Variants in SLC9A9 observed in about 807,000 individuals in gnomAD.
The protein encoded by SLC9A9 is solute carrier family 9 member A9, also known as sodium/hydrogen exchanger 9.
A neutral mutation model predicts 77.8 loss-of-function variants in SLC9A9; 62 were observed. That is an observed-to-expected ratio of 0.80 (90% confidence interval 0.65 to 0.98). The LOEUF is 0.98. Ranked by LOEUF, SLC9A9 falls within the 50% of genes least tolerant of loss-of-function variation. SLC9A9 has a pLI of 0.00. For missense variants in SLC9A9, 775 were observed against 774.9 expected (o/e 1.00, Z 0.00); for synonymous variants, 320 against 283.5 (o/e 1.13, Z -1.29).
At chr3:143,660,561 T>G (rs9841219) in intron 5 of SLC9A9, among the ~76,000 whole-genome samples, 11,493 of 152,266 alleles carry the variant, frequency 0.075, 572 homozygotes, top group Non-Finnish European at 0.11. Context: ...TGAACCAACC[T>G]GGACTTCTGA....
intron 14 of SLC9A9, among the ~76,000 whole-genome samples, chr3:143,307,315 A>C (rs2030831258): frequency 6.6e-6 from 1 of 152,264 alleles, no homozygotes; most frequent in Non-Finnish European, 1.5e-5. Flanking sequence ...TAATCCCATG[A>C]GAGCAGGAGG....
chr3:143,319,346 C>A (rs1404986969), intron 14 of SLC9A9, among the ~76,000 whole-genome samples: 3 of 152,196 alleles, frequency 2.0e-5, no homozygotes, highest in Non-Finnish European at 4.4e-5. Context: ...TTGGCTGCTG[C>A]CTCATGTTTT....
At chr3:143,679,060 G>GT (rs1384915961) in intron 5 of SLC9A9, among the ~76,000 whole-genome samples, 8 of 150,256 alleles carry the variant, frequency 5.3e-5, no homozygotes, top group Middle Eastern at 3.4e-3. Context: ...GGTGAGGGGG[G>GT]TGGGAAGAGT....
intron 4 of SLC9A9, among the ~76,000 whole-genome samples, chr3:143,745,730 A>G (rs1163514561): frequency 6.6e-6 from 1 of 152,230 alleles, no homozygotes; most frequent in Non-Finnish European, 1.5e-5. Context: ...TGTGACAGGC[A>G]CTTGGAATAA....
intron 5 of SLC9A9, among the ~76,000 whole-genome samples, chr3:143,688,139 T>G (rs1235971269): frequency 6.6e-6 from 1 of 151,696 alleles, no homozygotes. Context: ...TCTTTTGAGA[T>G]GGGGTTTTGC....
chr3:143,469,029 G>A lies in SLC9A9; in HGVS notation c.1316-1839C>T, dbSNP rs148822987. Among the ~76,000 whole-genome samples the A allele has an allele frequency of 2.0e-3, 300 of 152,230 alleles. 5 individuals carry two copies. In the East Asian group the frequency reaches 0.03, roughly 15 times the overall value. ...ACAAAAATTAGCTGGGCATAGTGGCGCACACCTATAGTCCCAATTACTTGG... is the reference window on the plus strand; with the variant it reads ...ACAAAAATTAGCTGGGCATAGTGGCACACACCTATAGTCCCAATTACTTGG... On this transcript the variant is annotated intron_variant, in intron 11 of 15. Transcript: ENST00000316549.
intron 4 of SLC9A9, among the ~76,000 whole-genome samples, chr3:143,708,143 G>C (rs1239752624): frequency 6.6e-6 from 1 of 152,162 alleles, no homozygotes; most frequent in Non-Finnish European, 1.5e-5. Context: ...GGGAGGTAGA[G>C]ATCTACTCAA....
At chr3:143,599,407 T>G (rs1490156222) in intron 6 of SLC9A9, among the ~76,000 whole-genome samples, 1 of 152,140 alleles carries the variant, frequency 6.6e-6, no homozygotes, top group Non-Finnish European at 1.5e-5. Flanking sequence ...AAGGAGAGCC[T>G]CTGTTTGCAA....
chr3:143,695,388 A>G (rs1297385733), intron 4 of SLC9A9, among the ~76,000 whole-genome samples: 1 of 151,760 alleles, frequency 6.6e-6, no homozygotes, highest in African/African-American at 2.4e-5. Flanking sequence ...CCCTGTGTCC[A>G]TGTGTTCTCA....
intron 6 of SLC9A9, among the ~76,000 whole-genome samples, chr3:143,607,741 G>T (rs1185188231): frequency 6.6e-6 from 1 of 151,568 alleles, no homozygotes; most frequent in Admixed American, 6.6e-5. Flanking sequence ...AGGAAAACAA[G>T]AACCCTAGAA....
intron 4 of SLC9A9, among the ~76,000 whole-genome samples, chr3:143,721,790 A>C (rs1934506014): frequency 1.3e-5 from 2 of 152,222 alleles, no homozygotes; most frequent in African/African-American, 4.8e-5. Flanking sequence ...AAATAGCCAC[A>C]TGGTAACAAC....
intron 4 of SLC9A9, among the ~76,000 whole-genome samples, chr3:143,714,755 T>C (rs1011380066): frequency 6.6e-6 from 1 of 152,192 alleles, no homozygotes; most frequent in Non-Finnish European, 1.5e-5. Context: ...CTCTGGCTTT[T>C]AGTTAGATTT....
At chr3:143,678,933 T>C (rs1932984071) in intron 5 of SLC9A9, among the ~76,000 whole-genome samples, 1 of 151,574 alleles carries the variant, frequency 6.6e-6, no homozygotes, top group South Asian at 2.1e-4. Context: ...GAAGAAAGTA[T>C]ATAGAGAAAA....
chr3:143,811,890 G>T (rs1339907947), intron 2 of SLC9A9: 2 of 326,314 alleles, frequency 6.1e-6, no homozygotes, highest in African/African-American at 2.3e-5. Flanking sequence ...AAAAAGAAAA[G>T]AAAAACAAGA....
At chr3:143,277,968 C>G (rs1938102711) in intron 14 of SLC9A9, among the ~76,000 whole-genome samples, 1 of 152,208 alleles carries the variant, frequency 6.6e-6, no homozygotes, top group Non-Finnish European at 1.5e-5. Context: ...TACCCCAGAG[C>G]TCACACTTAA....
intron 6 of SLC9A9, among the ~76,000 whole-genome samples, chr3:143,593,279 C>A (rs1398919040): frequency 6.6e-6 from 1 of 152,138 alleles, no homozygotes; most frequent in Non-Finnish European, 1.5e-5. Flanking sequence ...CCTTTTATAG[C>A]AAATCTCTCA....
intron 14 of SLC9A9, among the ~76,000 whole-genome samples, chr3:143,302,689 C>T (rs1234486172): frequency 6.6e-6 from 1 of 152,118 alleles, no homozygotes; most frequent in Non-Finnish European, 1.5e-5. Flanking sequence ...ACAGATCCTC[C>T]AACCAGCCAG....
intron 14 of SLC9A9, among the ~76,000 whole-genome samples, chr3:143,337,441 C>T (rs1369485983): frequency 6.6e-6 from 1 of 152,212 alleles, no homozygotes; most frequent in African/African-American, 2.4e-5. Flanking sequence ...TCCTTCACTC[C>T]TCTTGCTTGT....
intron 6 of SLC9A9, among the ~76,000 whole-genome samples, chr3:143,629,316 G>T (rs1156533537): frequency 1.3e-5 from 2 of 152,186 alleles, no homozygotes; most frequent in African/African-American, 4.8e-5. Flanking sequence ...GAAGGTATAG[G>T]TTGGTGAGCA....
Sources: gnomAD v4.1 joint callset for allele counts (sites outside exome capture counted in the v4.1 genomes callset) on GRCh38, gnomAD v4.1.1 for gene constraint, MANE v1.5 for transcripts, NCBI Gene and HGNC (gene_info 2026-07-23, HGNC 2026-07-21) for gene names.